Variants in IQCF1 observed in about 807,000 individuals in gnomAD.
IQCF1 encodes IQ domain-containing protein F1.
IQCF1 carries 9 observed loss-of-function variants against 12.5 expected under a neutral mutation model. The observed-to-expected ratio is 0.72, with a 90% CI of 0.43 to 1.26. IQCF1 has a LOEUF of 1.26. Ranked by LOEUF, IQCF1 falls within the 50% of genes most tolerant of loss-of-function variation. The pLI, the probability that IQCF1 is intolerant of heterozygous loss-of-function variation, is 0.00. For synonymous variants in IQCF1, 67 were observed against 96.2 expected (o/e 0.70, Z 1.78); for missense variants, 252 against 257.4 (o/e 0.98, Z 0.14).
In IQCF1 at chr3:51,898,068, A is replaced by C. The variant is rs183570408; in HGVS notation, c.109-1174T>G. 1.3e-4 allele frequency among the ~76,000 whole-genome samples: 20 copies of C among 152,330 alleles called. No individual in the cohort carries two copies. The East Asian group carries it at 3.9e-3, about 29-fold the overall frequency. ...ACCCCTTTCCTTTCTTCTTGAGGGA[A>C]GAAAGAGTAGCTCCACTCCCAACGG... is the stretch of plus-strand genomic sequence containing the variant. On this transcript the variant is annotated intron_variant, in intron 2 of 3. Transcript: ENST00000310914.
At chr3:51,902,887 G>T in intron 2 of IQCF1, 98 bp downstream of exon 2, 1 of 946,218 alleles carries the variant, frequency 1.1e-6, no homozygotes, top group East Asian at 2.4e-5. Context: ...TTTCTTTTGC[G>T]GCACAGAAAC....
rs11922262 is a variant in IQCF1, at chr3:51,900,876, T to C, written c.108+2109A>G. ...CCTTCTTTAAGCCAGTGTTATGGTA[T>C]GGGGGCTGAGGTTTCAGGGACAGAC... On this transcript the variant is annotated intron_variant, in intron 2 of 3. Transcript: ENST00000310914. This position sits in a 1 kb window ranked among gnomAD's most constrained non-coding sequence, Gnocchi z 4.2. Among the ~76,000 whole-genome samples the C allele has an allele frequency of 0.074, 11,195 of 152,204 alleles. 603 individuals are homozygous for C. The highest frequency in any genetic ancestry group is 0.15 in the African/African-American group (6,163 of 41,490).
At position 51,895,448 on chromosome 3, in the gene IQCF1, T is replaced by A. The variant is rs928303973; in HGVS notation, c.172-112A>T. ...TCAGCAACTGTCTCTTTTTCTGGAA[T>A]TCAGGAGCACTGGGCAGGGCACTGG... On this transcript the variant is annotated intron_variant, in intron 3 of 3. Transcript: ENST00000310914. This position sits in a 1 kb window ranked among gnomAD's most constrained non-coding sequence, Gnocchi z 4.8. 2.1e-5 allele frequency: 20 copies of A among 956,134 alleles called. No individual in the cohort carries two copies. Among genetic ancestry groups the A allele is most frequent in the Non-Finnish European group, 2.9e-5 (19 of 652,706 alleles). 59.2% of individuals were successfully genotyped at this position (956,134 alleles called of 1,614,324 possible).
At position 51,895,180 on chromosome 3, in the gene IQCF1, G is replaced by T. The variant is rs1194490522; in HGVS notation, c.328C>A (p.Leu110Met). Residue 110 changes from leucine to methionine, a missense_variant, in exon 4 of 4, where the codon CTG becomes ATG. Leu to Met is a conservative substitution (Grantham distance 15). Transcript: ENST00000310914. The surrounding 1 kb of genome is among the most constrained non-coding windows in gnomAD (Gnocchi z 4.8). ...AGCGCTGCCTGCCGCCTCTTCTTCA[G>T]AATCTTGGACAGTATCAGCCGCCAC... ...CWWRLILSKI[L>M]KKRRQAALEA... 6.2e-7 allele frequency: 1 copy of T among 1,614,224 alleles called. No individual in the cohort carries two copies.
Position 51,903,017 on chromosome 3 carries a change from G to C in IQCF1, c.76C>G (p.His26Asp), listed in dbSNP as rs769046082. The C allele has an allele frequency of 2.5e-6, 4 of 1,614,038 alleles. No homozygotes were observed. The Admixed American group carries it at 5.0e-5, about 20-fold the overall frequency. The change falls in exon 2 of 4, where the codon CAT becomes GAT. Residue 26 changes from histidine to aspartate, a missense_variant. Physicochemically the swap from His to Asp is moderately conservative, Grantham distance 81. Coordinates refer to ENST00000310914, the MANE Select transcript of IQCF1 (RefSeq NM_152397.3). ...DEPQQKEMPTHLSLGAESKAE... is the reference protein window; with the variant it reads ...DEPQQKEMPTDLSLGAESKAE... Reference sequence around the variant, plus strand: ...TTTGACTCTGCTCCTAAGGACAAATGGGTTGGCATCTCCTTCTGCTGAGGC... The same window carrying C: ...TTTGACTCTGCTCCTAAGGACAAATCGGTTGGCATCTCCTTCTGCTGAGGC...
At position 51,894,971 on chromosome 3, in the gene IQCF1, C is replaced by G; in HGVS notation, c.537G>C (p.Gln179His). 1.9e-6 allele frequency: 3 copies of G among 1,614,256 alleles called. No individual in the cohort carries two copies. The highest frequency in any genetic ancestry group is 2.5e-6 in the Non-Finnish European group (3 of 1,180,042). Residue 179 changes from glutamine to histidine, a missense_variant, in exon 4 of 4, where the codon CAG (glutamine) becomes CAC (histidine). Gln to His is a conservative substitution (Grantham distance 24, BLOSUM62 0). Coordinates refer to ENST00000310914, the MANE Select transcript of IQCF1 (RefSeq NM_152397.3). Reference protein sequence around the residue: ...IKGQYRVTANQLHLQLEILLD... With the variant: ...IKGQYRVTANHLHLQLEILLD... Reference sequence around the variant, plus strand: ...GCAAGATCTCCAGCTGGAGATGCAGCTGGTTGGCTGTGACTCTGTACTGGC... The same window carrying G: ...GCAAGATCTCCAGCTGGAGATGCAGGTGGTTGGCTGTGACTCTGTACTGGC...
chr3:51,903,212 C>T, intron 1 of IQCF1, 58 bp downstream of exon 1: 3 of 1,608,968 alleles, frequency 1.9e-6, no homozygotes. Flanking sequence ...GGTCCCTTCA[C>T]CCTGAGAGAT....
At chr3:51,898,546 A>G (rs1699038876) in intron 2 of IQCF1, among the ~76,000 whole-genome samples, 1 of 152,206 alleles carries the variant, frequency 6.6e-6, no homozygotes, top group South Asian at 2.1e-4. Context: ...AACAGAAGAA[A>G]GTAGAAAAAT....
In IQCF1 at chr3:51,897,331, G is replaced by A. The variant is rs144370453; in HGVS notation, c.109-437C>T. On this transcript the variant is annotated intron_variant, in intron 2 of 3. Coordinates refer to ENST00000310914, the MANE Select transcript of IQCF1 (RefSeq NM_152397.3). ...CCAAGTGTGCACTCACCATTGCTCC[G>A]TCTGAAAGGGCGCACCCTTCTATAG... 1.5e-3 allele frequency among the ~76,000 whole-genome samples: 225 copies of A among 152,336 alleles called. 1 individual carries two copies. The East Asian group carries it at 0.032, about 21-fold the overall frequency.
chr3:51,902,015 A>G (rs1398513954), intron 2 of IQCF1, among the ~76,000 whole-genome samples: 4 of 152,204 alleles, frequency 2.6e-5, no homozygotes, highest in Non-Finnish European at 5.9e-5. Context: ...TAACAAAGGC[A>G]TTGCAAGGTC....
chr3:51,902,297 C>G (rs1339429032), intron 2 of IQCF1, among the ~76,000 whole-genome samples: 3 of 152,104 alleles, frequency 2.0e-5, no homozygotes, highest in Non-Finnish European at 2.9e-5. Context: ...TTTGGAAAAT[C>G]AAGCAGAACA....
At position 51,895,020 on chromosome 3, in the gene IQCF1, C is replaced by G; in HGVS notation, c.488G>C (p.Cys163Ser). ...GCCCTTGATGAACCCCCGGGAAGCACAGGAGCGGCACCTCCAGTAAGCCTG... is the reference window on the plus strand; with the variant it reads ...GCCCTTGATGAACCCCCGGGAAGCAGAGGAGCGGCACCTCCAGTAAGCCTG... Reference protein sequence around the residue: ...IIQAYWRCRSCASRGFIKGQY... With the variant: ...IIQAYWRCRSSASRGFIKGQY... The change falls in exon 4 of 4, where the codon TGT becomes TCT. Residue 163 changes from cysteine (C) to serine (S), a missense_variant. Physicochemically the swap from Cys to Ser is moderately radical, Grantham distance 112. Transcript: ENST00000310914. The surrounding 1 kb of genome is among the most constrained non-coding windows in gnomAD (Gnocchi z 4.8). 6.2e-7 allele frequency: 1 copy of G among 1,614,246 alleles called. No homozygotes were observed. The highest frequency in any genetic ancestry group is 8.5e-7 in the Non-Finnish European group (1 of 1,180,048).
At chr3:51,902,876 A>ATTTC in intron 2 of IQCF1, 109 bp downstream of exon 2, 1 of 897,326 alleles carries the variant, frequency 1.1e-6, no homozygotes, top group Non-Finnish European at 1.9e-6. Context: ...TTTGAGTGCT[A>ATTTC]TTTCTTTTGC....
intron 2 of IQCF1, among the ~76,000 whole-genome samples, chr3:51,902,586 C>G (rs766888193): frequency 3.0e-4 from 46 of 152,192 alleles, no homozygotes; most frequent in Non-Finnish European, 5.7e-4. Context: ...CAGTCTCCAC[C>G]CTGACTCATT....
chr3:51,895,344 GA>G lies in IQCF1; in HGVS notation c.172-9del, dbSNP rs34574240. On this transcript the variant is annotated splice_polypyrimidine_tract_variant and intron_variant, in intron 3 of 3. Transcript: ENST00000310914. This position sits in a 1 kb window ranked among gnomAD's most constrained non-coding sequence, Gnocchi z 4.8. ...CTTTTGGTTTTCTGGGGGCTTTCAA[GA>G]AAAAAAGAGGGACCTTCAGAGAATG... The G allele has an allele frequency of 1, 1,598,795 of 1,599,898 alleles. 798,850 individuals are homozygous for G. The highest frequency in any genetic ancestry group is 1 in the East Asian group (44,706 of 44,706).
intron 2 of IQCF1, among the ~76,000 whole-genome samples, chr3:51,902,253 A>T (rs1387805382): frequency 6.6e-6 from 1 of 152,172 alleles, no homozygotes; most frequent in Non-Finnish European, 1.5e-5. Flanking sequence ...ACCTCCCTTA[A>T]CTATTCTCCA....
In IQCF1 at chr3:51,903,143, C is replaced by T. The variant is rs1259411847; in HGVS notation, c.4-54G>A. ...AGTGAGGCTGCGGTCCCTCCCTCTC[C>T]ATTCAATATGGCACACATCCCCAGC... On this transcript the variant is annotated intron_variant, in intron 1 of 3. Transcript: ENST00000310914. 5.0e-6 allele frequency: 8 copies of T among 1,586,146 alleles called. No individual in the cohort carries two copies. In the Admixed American group the frequency reaches 1.2e-4, roughly 23 times the overall value.
intron 3 of IQCF1, 101 bp downstream of exon 3, chr3:51,896,731 A>T: frequency 1.1e-6 from 1 of 888,002 alleles, no homozygotes; most frequent in Non-Finnish European, 1.9e-6. Flanking sequence ...ACACACACAT[A>T]CTTCTAACTG....
At chr3:51,899,813 T>C (rs982035264) in intron 2 of IQCF1, among the ~76,000 whole-genome samples, 4 of 152,186 alleles carry the variant, frequency 2.6e-5, no homozygotes, top group Non-Finnish European at 5.9e-5. Flanking sequence ...TAAAATTAAG[T>C]TTAACATTAA....
Sources: allele counts gnomAD v4.1 joint callset (sites outside exome capture counted in the v4.1 genomes callset), GRCh38; gene constraint gnomAD v4.1.1; non-coding constraint Gnocchi (gnomAD v3.1); transcripts MANE v1.5; gene names NCBI Gene and HGNC (gene_info 2026-07-23, HGNC 2026-07-21).